SOX5: variants seen among roughly 807,000 people sequenced by gnomAD.
The protein encoded by SOX5 is transcription factor SOX-5.
In SOX5, 9 loss-of-function variants were observed where a neutral mutation model predicts 92.0. The observed-to-expected ratio is 0.10, with a 90% CI of 0.06 to 0.17. The LOEUF (loss-of-function observed/expected upper bound fraction) is 0.17. SOX5 is among the 10% of genes least tolerant of loss of function. The pLI, the probability that SOX5 is intolerant of heterozygous loss-of-function variation, is 1.00. For synonymous variants in SOX5, 344 were observed against 336.3 expected (o/e 1.02, Z -0.25); for missense variants, 642 against 944.5 (o/e 0.68, Z 4.20).
rs183966978 is a variant in SOX5 at position 23,765,204 on chromosome 12, T to C, written c.482-9480A>G. ...AACTTGTTTATTATTTGGTCTCTTA[T>C]AACCTTTCATGTATTTTGTATTTTT... On this transcript the variant is annotated intron_variant, in intron 3 of 14. Coordinates refer to ENST00000451604, the MANE Select transcript of SOX5 (RefSeq NM_006940.6). 4.8e-3 allele frequency among the ~76,000 whole-genome samples: 733 copies of C among 151,976 alleles called. 7 individuals are homozygous for C. Among genetic ancestry groups the C allele is most frequent in the South Asian group, 0.012 (58 of 4,824 alleles).
chr12:23,619,626 G>A (rs2076952663), intron 8 of SOX5, among the ~76,000 whole-genome samples: 1 of 152,132 alleles, frequency 6.6e-6, no homozygotes, highest in African/African-American at 2.4e-5. Flanking sequence ...CACCTTTTAT[G>A]GAGGCTGGGC....
chr12:24,526,082 G>A (rs887986645), intron 1 of SOX5, among the ~76,000 whole-genome samples: 1 of 152,056 alleles, frequency 6.6e-6, no homozygotes, highest in Non-Finnish European at 1.5e-5. Context: ...TGTTACCCAG[G>A]CCGGTCTCAT....
chr12:24,527,044 G>A (rs924132254), intron 1 of SOX5, among the ~76,000 whole-genome samples: 14 of 151,800 alleles, frequency 9.2e-5, no homozygotes, highest in African/African-American at 2.4e-4. Flanking sequence ...CTCCCACCTC[G>A]TCCTCCCAAA....
intron 3 of SOX5, among the ~76,000 whole-genome samples, chr12:23,779,142 A>C (rs1343541145): frequency 6.6e-6 from 1 of 152,168 alleles, no homozygotes; most frequent in East Asian, 1.9e-4. Context: ...ATGTCCCTAA[A>C]TACAAAATGG....
chr12:24,125,722 A>G (rs745425399), intron 4 of SOX5, among the ~76,000 whole-genome samples: 49 of 152,142 alleles, frequency 3.2e-4, no homozygotes, highest in Non-Finnish European at 6.3e-4. Context: ...CCTGAAGTCT[A>G]TTTCATCTTA....
rs369235288 is a variant in SOX5, at chr12:23,961,652, A to G, written c.-1-65628T>C. Among the ~76,000 whole-genome samples the G allele has an allele frequency of 6.6e-5, 10 of 152,346 alleles. No homozygotes were observed. In the East Asian group the frequency reaches 1.2e-3, roughly 18 times the overall value. On this transcript the variant is annotated intron_variant, in intron 4 of 4. Coordinates refer to the SOX5 transcript ENST00000446891. ...TCACTCTTCTTCTGTAACACCCAGT[A>G]GAACATAAATTCCCACCACTCACCT...
intron 2 of SOX5, among the ~76,000 whole-genome samples, chr12:23,878,144 A>G (rs1451533242): frequency 2.0e-5 from 3 of 151,962 alleles, no homozygotes; most frequent in Admixed American, 1.3e-4. Flanking sequence ...AAAGCATGTA[A>G]TTAATTTTGA....
At chr12:23,848,557 T>C (rs559605223) in intron 2 of SOX5, among the ~76,000 whole-genome samples, 2 of 152,310 alleles carry the variant, frequency 1.3e-5, no homozygotes, top group South Asian at 2.1e-4. Flanking sequence ...TGGGACACTG[T>C]TGTTCATTTG....
At chr12:24,516,484 G>A (rs1421406756) in intron 1 of SOX5, among the ~76,000 whole-genome samples, 1 of 152,150 alleles carries the variant, frequency 6.6e-6, no homozygotes, top group Non-Finnish European at 1.5e-5. Flanking sequence ...AATATTAGTG[G>A]TATGAATGAA....
chr12:24,343,369 A>G (rs1212981506), intron 2 of SOX5, among the ~76,000 whole-genome samples: 1 of 150,218 alleles, frequency 6.7e-6, no homozygotes, highest in African/African-American at 2.4e-5. Flanking sequence ...GCTCCAATTC[A>G]TGCCCTTTTC....
chr12:24,364,847 C>A (rs141445256), intron 2 of SOX5, among the ~76,000 whole-genome samples: 1 of 151,912 alleles, frequency 6.6e-6, no homozygotes, highest in Non-Finnish European at 1.5e-5. Flanking sequence ...AATCCATGAA[C>A]GTCTCAGTCG....
At chr12:23,845,226 G>A (rs1434771256) in intron 3 of SOX5, among the ~76,000 whole-genome samples, 1 of 152,278 alleles carries the variant, frequency 6.6e-6, no homozygotes, top group South Asian at 2.1e-4. Flanking sequence ...TGAAACAGGA[G>A]GCATGTTCTT....
chr12:23,849,892 T>C (rs2096612786), intron 2 of SOX5, among the ~76,000 whole-genome samples: 1 of 152,208 alleles, frequency 6.6e-6, no homozygotes, highest in Admixed American at 6.5e-5. Flanking sequence ...TAACTATCTT[T>C]ATAAAATTTG....
At chr12:24,261,170 G>GA (rs59031357) in intron 3 of SOX5, among the ~76,000 whole-genome samples, 24 of 151,604 alleles carry the variant, frequency 1.6e-4, no homozygotes, top group African/African-American at 3.6e-4. Context: ...AATTTTAGAG[G>GA]AAAAAAAACT....
intron 3 of SOX5, among the ~76,000 whole-genome samples, chr12:24,231,621 A>G (rs989771885): frequency 6.6e-5 from 10 of 152,238 alleles, no homozygotes; most frequent in Non-Finnish European, 1.0e-4. Flanking sequence ...ATACTCACAA[A>G]GAGTAAGGGA....
intron 3 of SOX5, among the ~76,000 whole-genome samples, chr12:24,248,633 A>T (rs1353470667): frequency 6.6e-6 from 1 of 152,052 alleles, no homozygotes; most frequent in Non-Finnish European, 1.5e-5. Flanking sequence ...GATCCGCCTG[A>T]CTTGGCCTCC....
chr12:24,085,910 T>A lies in SOX5; in HGVS notation c.-2+127433A>T, dbSNP rs552469036. On this transcript the variant is annotated intron_variant, in intron 4 of 4. Coordinates refer to the SOX5 transcript ENST00000446891. Reference sequence around the variant, plus strand: ...AAATTGGTAAAACAATCCCCACAGGTAAGATAAACATCATAAGTTGTCCAC... The same window carrying A: ...AAATTGGTAAAACAATCCCCACAGGAAAGATAAACATCATAAGTTGTCCAC... Among the ~76,000 whole-genome samples, 8 of 149,554 alleles carry A rather than the reference T, an allele frequency of 5.3e-5. No individual in the cohort carries two copies. The South Asian group carries it at 1.7e-3, about 32-fold the overall frequency.
chr12:23,703,630 G>C (rs1441221323), intron 6 of SOX5, among the ~76,000 whole-genome samples: 1 of 151,742 alleles, frequency 6.6e-6, no homozygotes, highest in African/African-American at 2.4e-5. Flanking sequence ...CTGAAATTCA[G>C]TACATATTTG....
chr12:24,213,702 A>C (rs1030261191), intron 3 of SOX5, among the ~76,000 whole-genome samples: 1 of 151,984 alleles, frequency 6.6e-6, no homozygotes, highest in African/African-American at 2.4e-5. Context: ...ATGAAAAACT[A>C]AACAATTTTT....
Sources: allele counts gnomAD v4.1 joint callset (sites outside exome capture counted in the v4.1 genomes callset), GRCh38; gene constraint gnomAD v4.1.1; transcripts MANE v1.5; gene names NCBI Gene and HGNC (gene_info 2026-07-23, HGNC 2026-07-21).